LRGUK: variants seen among roughly 807,000 people sequenced by gnomAD.
LRGUK encodes leucine rich repeats and guanylate kinase domain containing, also known as leucine-rich repeat and guanylate kinase domain-containing protein.
In LRGUK, 65 loss-of-function variants were observed where a neutral mutation model predicts 76.0. That is an observed-to-expected ratio of 0.85 (90% CI 0.70 to 1.05). LRGUK has a LOEUF of 1.05. Among genes scored for constraint, LRGUK ranks in the 50% least tolerant of loss-of-function variants. LRGUK has a pLI of 0.00. For synonymous variants in LRGUK, 268 were observed against 265.6 expected, an observed-to-expected ratio of 1.01 and a Z score of -0.09; for missense variants, 758 against 732.8, an observed-to-expected ratio of 1.03 and a Z score of -0.40.
chr7:134,139,254 G>A (rs1180271288), intron 2 of LRGUK, among the ~76,000 whole-genome samples, 182 bp from the exon 3 acceptor site: 1 of 151,992 alleles, frequency 6.6e-6, no homozygotes, highest in Non-Finnish European at 1.5e-5. Flanking sequence ...CAAAGGAAGG[G>A]CTTTTTTTTT....
chr7:134,178,563 A>G, exon 10 of LRGUK: 1 of 1,613,328 alleles, frequency 6.2e-7, no homozygotes, highest in Non-Finnish European at 8.5e-7. Context: ...AGACCACCTG[A>G]CCCATGTTGT....
intron 15 of LRGUK, among the ~76,000 whole-genome samples, chr7:134,202,485 C>A (rs1800815995): frequency 6.6e-6 from 1 of 152,180 alleles, no homozygotes; most frequent in Non-Finnish European, 1.5e-5. Flanking sequence ...AATCCCACTT[C>A]TGATCTACCT....
intron 19 of LRGUK, among the ~76,000 whole-genome samples, chr7:134,259,199 G>A (rs1464213103): frequency 6.6e-6 from 1 of 152,148 alleles, no homozygotes; most frequent in Admixed American, 6.5e-5. Context: ...GAACATGCAT[G>A]TCCAGAAAGA....
intron 1 of LRGUK, among the ~76,000 whole-genome samples, chr7:134,132,898 A>G (rs1373822960): frequency 6.6e-6 from 1 of 152,202 alleles, no homozygotes; most frequent in Non-Finnish European, 1.5e-5. Context: ...AGAGAAGGGC[A>G]TTAGTGGAGA....
rs773585494 is a variant in LRGUK, at chr7:134,199,340, G to T, written c.1666G>T (p.Glu556Ter). The T allele has an allele frequency of 1.2e-6, 2 of 1,613,798 alleles. No homozygotes were observed. The highest frequency in any genetic ancestry group is 1.7e-6 in the Non-Finnish European group (2 of 1,179,910). The change falls in exon 14 of 16, where the codon GAA (glutamate) becomes TAA (stop). Residue 556 changes from glutamate to a stop codon, truncating the protein, a stop_gained. Coordinates refer to ENST00000645682, the Ensembl canonical transcript of LRGUK. LOFTEE classifies it high-confidence loss of function. The stretch of plus-strand genomic sequence containing the variant: ...AGGATTATTCAGTCGTGCAGAAATT[G>T]AATTTGCTGTCTCCAGAGTGGACCT...
intron 7 of LRGUK, among the ~76,000 whole-genome samples, chr7:134,173,776 T>C (rs1047851561): frequency 8.5e-5 from 13 of 152,158 alleles, no homozygotes; most frequent in Non-Finnish European, 1.8e-4. Flanking sequence ...TACCTTGAAA[T>C]AATTCTCTGT....
intron 11 of LRGUK, among the ~76,000 whole-genome samples, chr7:134,187,079 C>T (rs972888896): frequency 2.6e-5 from 4 of 151,988 alleles, no homozygotes; most frequent in Non-Finnish European, 5.9e-5. Context: ...GGATAAAAGA[C>T]TATGCATCGG....
chr7:134,187,891 A>G (rs572786018), intron 11 of LRGUK, among the ~76,000 whole-genome samples: 5 of 152,176 alleles, frequency 3.3e-5, no homozygotes, highest in African/African-American at 1.2e-4. Context: ...TAAGCTTCTC[A>G]TGATGTTGAC....
At chr7:134,237,133 C>G (rs1306135418) in intron 16 of LRGUK, among the ~76,000 whole-genome samples, 1 of 144,224 alleles carries the variant, frequency 6.9e-6, no homozygotes. Flanking sequence ...TGGCTCACTG[C>G]AACCTCCACC....
intron 14 of LRGUK, 109 bp from the exon 15 acceptor site, chr7:134,201,372 T>G (rs1800761225): frequency 1.2e-6 from 1 of 805,588 alleles, no homozygotes; most frequent in Non-Finnish European, 2.0e-6. Context: ...CTGCCTACCA[T>G]AATATATATA....
chr7:134,151,255 T>G (rs1798212513), intron 5 of LRGUK, among the ~76,000 whole-genome samples: 1 of 152,194 alleles, frequency 6.6e-6, no homozygotes, highest in African/African-American at 2.4e-5. Context: ...AACAGTTTGA[T>G]TAAAAAGAGA....
At chr7:134,129,695 G>A (rs912125357) in intron 1 of LRGUK, among the ~76,000 whole-genome samples, 1 of 151,414 alleles carries the variant, frequency 6.6e-6, no homozygotes, top group African/African-American at 2.4e-5. Context: ...GGCTGGTCTT[G>A]ATCTCCTGGG....
chr7:134,128,133 CT>C (rs1797104672), intron 1 of LRGUK, among the ~76,000 whole-genome samples: 1 of 149,038 alleles, frequency 6.7e-6, no homozygotes, highest in East Asian at 2.0e-4. Context: ...AAAAAATCCG[CT>C]TTTGAAAGTG....
At chr7:134,263,275 A>G (rs936555242) in intron 19 of LRGUK, among the ~76,000 whole-genome samples, 2 of 130,572 alleles carry the variant, frequency 1.5e-5, no homozygotes, top group Admixed American at 8.6e-5. Context: ...TTTCCTCTCT[A>G]TCTTCTAAAC....
intron 16 of LRGUK, among the ~76,000 whole-genome samples, chr7:134,222,928 A>G (rs1801638714): frequency 6.6e-6 from 1 of 152,168 alleles, no homozygotes; most frequent in East Asian, 1.9e-4. Flanking sequence ...AAATAGGTGC[A>G]TCAAGTCAGA....
intron 3 of LRGUK, among the ~76,000 whole-genome samples, chr7:134,142,307 C>T (rs1413341985): frequency 6.6e-6 from 1 of 152,208 alleles, no homozygotes; most frequent in Non-Finnish European, 1.5e-5. Flanking sequence ...CTGATTCCTT[C>T]CCTAATTCAT....
chr7:134,263,419 CTG>C (rs60637538), intron 19 of LRGUK, among the ~76,000 whole-genome samples: 29 of 149,618 alleles, frequency 1.9e-4, no homozygotes, highest in African/African-American at 5.6e-4. Flanking sequence ...GTGTGTGTGT[CTG>C]TGTGCATGTG....
intron 16 of LRGUK, among the ~76,000 whole-genome samples, chr7:134,232,274 T>C (rs1425339035): frequency 1.3e-5 from 2 of 150,380 alleles, no homozygotes. Context: ...CTGACAGTTG[T>C]TTTTAATTTA....
At chr7:134,153,440 A>G (rs1453034924) in intron 5 of LRGUK, among the ~76,000 whole-genome samples, 1 of 152,178 alleles carries the variant, frequency 6.6e-6, no homozygotes, top group Non-Finnish European at 1.5e-5. Flanking sequence ...GAAAGAGTAC[A>G]GTTTATTCTT....
Sources: gnomAD v4.1 joint callset for allele counts (sites outside exome capture counted in the v4.1 genomes callset) on GRCh38, gnomAD v4.1.1 for gene constraint, MANE v1.5 for transcripts, NCBI Gene and HGNC (gene_info 2026-07-23, HGNC 2026-07-21) for gene names.